The following ADAMTS16 variants were observed in gnomAD, a reference collection of about 807,000 sequenced individuals.
ADAMTS16 encodes A disintegrin and metalloproteinase with thrombospondin motifs 16.
In ADAMTS16, 94 loss-of-function variants were observed where a neutral mutation model predicts 145.8. The observed-to-expected ratio is 0.64, with a 90% CI of 0.55 to 0.77. The LOEUF is 0.77. ADAMTS16 is among the 30% of genes least tolerant of loss of function. The pLI, the probability that ADAMTS16 is intolerant of heterozygous loss-of-function variation, is 0.00. For missense variants in ADAMTS16, 1,585 were observed against 1,591.5 expected (o/e 1.00, Z 0.07); for synonymous variants, 659 against 604.3 (o/e 1.09, Z -1.33).
chr5:5,271,458 C>T (rs1434347625), intron 18 of ADAMTS16, among the ~76,000 whole-genome samples: 3 of 152,280 alleles, frequency 2.0e-5, no homozygotes, highest in Non-Finnish European at 4.4e-5. Flanking sequence ...ACTGCCCAGA[C>T]AAGCAGCCTA....
intron 10 of ADAMTS16, among the ~76,000 whole-genome samples, chr5:5,215,717 G>GTATATATATATATA (rs56041596): frequency 6.7e-5 from 9 of 133,786 alleles, no homozygotes; most frequent in African/African-American, 2.6e-4. Context: ...TATATATGTG[G>GTATATATATATATA]TATATATATA....
In ADAMTS16 at chr5:5,311,545, TCC is replaced by T. The variant is rs1223554713; in HGVS notation, c.3411+4818_3411+4819del. ...ACGGCGTTGCTGTGTATTAGTCTGC[TCC>T]TTTTTTTTTTTTTTTTTTGAGATGA... is the stretch of plus-strand genomic sequence containing the variant. On this transcript the variant is annotated intron_variant, in intron 21 of 22. Transcript: ENST00000274181. Among the ~76,000 whole-genome samples the T allele has an allele frequency of 9.9e-3, 585 of 58,806 alleles. 3 individuals are homozygous for T. The highest frequency in any genetic ancestry group is 0.018 in the Admixed American group (60 of 3,406). 38.6% of individuals were successfully genotyped at this position (58,806 alleles called of 152,430 possible). A position where few individuals can be genotyped will look rare whatever the true frequency, so the allele number is the denominator to read the frequency against.
At chr5:5,279,970 TTC>T (rs1738841128) in intron 18 of ADAMTS16, among the ~76,000 whole-genome samples, 1 of 139,256 alleles carries the variant, frequency 7.2e-6, no homozygotes, top group Non-Finnish European at 1.6e-5. Context: ...CTTTCCTTCT[TTC>T]TTTTTTTCTT....
At chr5:5,190,268 C>T (rs886693995) in intron 7 of ADAMTS16, 138 bp downstream of exon 7, 11 of 879,292 alleles carry the variant, frequency 1.3e-5, no homozygotes, top group Admixed American at 3.4e-5. Context: ...AGACTCACTT[C>T]CCTGTATAAA....
At chr5:5,180,280 A>G (rs1735305208) in intron 3 of ADAMTS16, among the ~76,000 whole-genome samples, 1 of 152,182 alleles carries the variant, frequency 6.6e-6, no homozygotes, top group Admixed American at 6.5e-5. Flanking sequence ...CATAATAGTA[A>G]TACTAATAGT....
At position 5,318,145 on chromosome 5, in the gene ADAMTS16, C is replaced by T; in HGVS notation, c.3423C>T (p.Ser1141=). The stretch of plus-strand genomic sequence containing the variant: ...TGTTGCTCTCACAGTGCACGGCCAG[C>T]TGTGGGGGAGGCGTTCAGACGAGGT... ...FASPWSQCTA[S]CGGGVQTRSV... The change falls in exon 22 of 23, where the codon AGC becomes AGT. Residue 1141 remains serine (S), a synonymous_variant. Transcript: ENST00000274181. 6.7e-7 allele frequency: 1 copy of T among 1,484,292 alleles called. No homozygotes were observed. Among genetic ancestry groups the T allele is most frequent in the Non-Finnish European group, 9.0e-7 (1 of 1,111,138 alleles). 91.9% of individuals were successfully genotyped at this position (1,484,292 alleles called of 1,614,324 possible).
chr5:5,225,312 AG>A (rs1431595270), intron 11 of ADAMTS16, among the ~76,000 whole-genome samples: 1 of 152,154 alleles, frequency 6.6e-6, no homozygotes, highest in Non-Finnish European at 1.5e-5. Flanking sequence ...GTATATAAAG[AG>A]GAAAGAGACC....
At chr5:5,250,380 T>A (rs1306615169) in intron 17 of ADAMTS16, among the ~76,000 whole-genome samples, 1 of 152,202 alleles carries the variant, frequency 6.6e-6, no homozygotes, top group Admixed American at 6.5e-5. Flanking sequence ...GAAATCTCAA[T>A]GTCCCTGGCC....
At position 5,311,939 on chromosome 5, in the gene ADAMTS16, GATCTCCTGACCTTGT is replaced by G. The variant is rs1740466907; in HGVS notation, c.3411+5213_3411+5227del. Among the ~76,000 whole-genome samples the G allele has an allele frequency of 6.6e-5, 10 of 152,026 alleles. No individual in the cohort carries two copies. The South Asian group carries it at 2.1e-3, about 32-fold the overall frequency. On this transcript the variant is annotated intron_variant, in intron 21 of 22. Coordinates refer to ENST00000274181, the MANE Select transcript of ADAMTS16 (RefSeq NM_139056.4). ...TCACCATGTTGGCCAGGATGGTCTC[GATCTCCTGACCTTGT>G]AATCCACTCGCCTCAGCCTCCCAAA...
chr5:5,257,323 A>G (rs1360071576), intron 17 of ADAMTS16, among the ~76,000 whole-genome samples: 1 of 152,228 alleles, frequency 6.6e-6, no homozygotes, highest in Non-Finnish European at 1.5e-5. Context: ...AAACTACTTA[A>G]TAAGTGAAGT....
At chr5:5,312,350 T>C (rs1740489315) in intron 21 of ADAMTS16, among the ~76,000 whole-genome samples, 1 of 152,186 alleles carries the variant, frequency 6.6e-6, no homozygotes, top group Non-Finnish European at 1.5e-5. Context: ...TGCAAGCATG[T>C]CCTATTTTAA....
rs116455418 is a variant in ADAMTS16, at chr5:5,298,185, T to A, written c.2790-5083T>A. Among the ~76,000 whole-genome samples, 731 of 152,286 alleles carry A rather than the reference T, an allele frequency of 4.8e-3. 4 individuals carry two copies. Among genetic ancestry groups the A allele is most frequent in the African/African-American group, 0.016 (677 of 41,554 alleles). ...TGGCATGTTGCTGTCATTTCTGATG[T>A]CCTGACTGCTGGGTTTTTGGAGGAT... On this transcript the variant is annotated intron_variant, in intron 18 of 22. Transcript: ENST00000274181.
At chr5:5,280,319 T>C (rs1738855394) in intron 18 of ADAMTS16, among the ~76,000 whole-genome samples, 3 of 152,198 alleles carry the variant, frequency 2.0e-5, no homozygotes, top group Non-Finnish European at 4.4e-5. Flanking sequence ...TCCATTTCTC[T>C]AGAGAAGGAT....
intron 7 of ADAMTS16, 136 bp downstream of exon 7, chr5:5,190,266 T>C: frequency 1.1e-6 from 1 of 898,120 alleles, no homozygotes; most frequent in Non-Finnish European, 1.6e-6. Context: ...AAAGACTCAC[T>C]TCCCTGTATA....
chr5:5,229,125 C>T (rs1373212695), intron 11 of ADAMTS16, among the ~76,000 whole-genome samples: 1 of 151,258 alleles, frequency 6.6e-6, no homozygotes, highest in Admixed American at 6.6e-5. Flanking sequence ...GGTGAAACCC[C>T]GTCTCTACTA....
Position 5,258,936 on chromosome 5 carries a change from T to C in ADAMTS16, c.2663-3721T>C, listed in dbSNP as rs144648500. On this transcript the variant is annotated intron_variant, in intron 17 of 22. Transcript: ENST00000274181. ...CCATTTTTAAAAGGACATTCATTTG[T>C]TGGAAAACAGAAGCTGATCCAGAAC... Among the ~76,000 whole-genome samples the C allele has an allele frequency of 2.1e-3, 322 of 152,298 alleles. 1 individual carries two copies. Among genetic ancestry groups the C allele is most frequent in the African/African-American group, 7.2e-3 (299 of 41,566 alleles).
intron 21 of ADAMTS16, among the ~76,000 whole-genome samples, chr5:5,313,109 G>A (rs1182756043): frequency 6.6e-6 from 1 of 152,216 alleles, no homozygotes; most frequent in Non-Finnish European, 1.5e-5. Flanking sequence ...GTTTGTCTAA[G>A]TCATTTTTAC....
intron 5 of ADAMTS16, 143 bp from the exon 6 acceptor site, chr5:5,187,582 T>C: frequency 1.5e-6 from 1 of 670,992 alleles, no homozygotes; most frequent in Non-Finnish European, 2.7e-6. Context: ...GTGATATGAT[T>C]AATACATCTG....
chr5:5,187,944 C>T, intron 6 of ADAMTS16, 136 bp downstream of exon 6: 2 of 585,546 alleles, frequency 3.4e-6, no homozygotes, highest in Non-Finnish European at 2.9e-6. Flanking sequence ...TTTGTGTCTA[C>T]TGCAAATGAG....
Sources: gnomAD v4.1 joint callset for allele counts (sites outside exome capture counted in the v4.1 genomes callset) on GRCh38, gnomAD v4.1.1 for gene constraint, MANE v1.5 for transcripts, NCBI Gene and HGNC (gene_info 2026-07-23, HGNC 2026-07-21) for gene names.